Variants in PRKCG observed in about 807,000 individuals in gnomAD.
PRKCG encodes the protein protein kinase C gamma, also known as protein kinase C gamma type.
A neutral mutation model predicts 82.0 loss-of-function variants in PRKCG; 28 were observed. That is an observed-to-expected ratio of 0.34 (90% CI 0.25 to 0.47). The LOEUF is 0.47. PRKCG is among the 20% of genes least tolerant of loss of function. PRKCG has a pLI of 1.00. For synonymous variants in PRKCG, 383 were observed against 376.6 expected (o/e 1.02, Z -0.20); for missense variants, 640 against 952.7 (o/e 0.67, Z 4.32).
At position 53,907,025 on chromosome 19, in the gene PRKCG, C is replaced by T. The variant is rs2068819091; in HGVS notation, c.*130C>T. ...CACCCCAGCATTCCAGCTCTGCCCC[C>T]GCGGGTTCTAGACGCCCCTCCCAAG... On this transcript the variant is annotated 3_prime_UTR_variant, in exon 18 of 18. Coordinates refer to ENST00000263431, the MANE Select transcript of PRKCG (RefSeq NM_002739.5). The T allele has an allele frequency of 6.5e-7, 1 of 1,539,600 alleles. No homozygotes were observed. Among genetic ancestry groups the T allele is most frequent in the South Asian group, 1.2e-5 (1 of 83,114 alleles).
chr19:53,890,855 G>A (rs1599944287), intron 5 of PRKCG, among the ~76,000 whole-genome samples: 2 of 151,362 alleles, frequency 1.3e-5, no homozygotes, highest in African/African-American at 2.4e-5. Context: ...AGGTTCAAGC[G>A]ATTCTCCTGC....
In PRKCG at chr19:53,904,652, G is replaced by C; in HGVS notation, c.1674G>C (p.Glu558Asp). Residue 558 changes from glutamate to aspartate, a missense_variant, in exon 16 of 18, where the codon GAG (glutamate) becomes GAC (aspartate). By Grantham distance (45) the Glu-to-Asp change is conservative (BLOSUM62 2). Around this residue, in one of 7 missense-constraint regions of PRKCG, gnomAD observed 198 missense variants for 273.4 expected, o/e 0.72. Coordinates refer to ENST00000263431, the MANE Select transcript of PRKCG (RefSeq NM_002739.5). ...MLAGQPPFDG[E>D]DEEELFQAIM... The stretch of plus-strand genomic sequence containing the variant: ...TTTGATAGCCTCCCTTCGATGGGGA[G>C]GACGAGGAGGAGCTGTTTCAGGCCA... 1.2e-6 allele frequency: 2 copies of C among 1,613,530 alleles called. No homozygotes were observed. The highest frequency in any genetic ancestry group is 1.7e-6 in the Non-Finnish European group (2 of 1,179,922).
chr19:53,906,310 C>T lies in PRKCG; in HGVS notation c.1765-7C>T, dbSNP rs764043533. 2 of 1,551,262 alleles carry T rather than the reference C, an allele frequency of 1.3e-6. No homozygotes were observed. The highest frequency in any genetic ancestry group is 2.7e-5 in the African/African-American group (2 of 72,910). On this transcript the variant is annotated splice_region_variant and splice_polypyrimidine_tract_variant and intron_variant, in intron 16 of 17. Transcript: ENST00000263431. Reference sequence around the variant, plus strand: ...TGTCTGTCTGTCTCTCTCTGTGTTTCCCACAGTTCCTGACCAAGCACCCAG... The same window carrying T: ...TGTCTGTCTGTCTCTCTCTGTGTTTTCCACAGTTCCTGACCAAGCACCCAG...
chr19:53,882,193 T>A, upstream of PRKCG: 1 of 418,942 alleles, frequency 2.4e-6, no homozygotes. This position sits in a 1 kb window ranked among gnomAD's most constrained non-coding sequence, Gnocchi z 6.1. Flanking sequence ...AACCCGGGGC[T>A]CCCACATTTC....
intron 3 of PRKCG, among the ~76,000 whole-genome samples, chr19:53,888,498 G>C (rs1026595218): frequency 6.6e-6 from 1 of 152,110 alleles, no homozygotes; most frequent in African/African-American, 2.4e-5. Flanking sequence ...TGACAGAGGA[G>C]GATGCTGAGG....
Position 53,892,456 on chromosome 19 carries a change from C to G in PRKCG, c.687-53C>G. 1 of 1,586,382 alleles carries G rather than the reference C, an allele frequency of 6.3e-7. No individual in the cohort carries two copies. The highest frequency in any genetic ancestry group is 8.5e-7 in the Non-Finnish European group (1 of 1,171,230). ...ACCTCCAGCACCAAGGATGGGGAACCGAGGGGAGCCATGAGCTCGGCTCTG... is the reference window on the plus strand; with the variant it reads ...ACCTCCAGCACCAAGGATGGGGAACGGAGGGGAGCCATGAGCTCGGCTCTG... On this transcript the variant is annotated intron_variant, in intron 6 of 17. Transcript: ENST00000263431. This position sits in a 1 kb window ranked among gnomAD's most constrained non-coding sequence, Gnocchi z 5.9.
chr19:53,904,508 T>TGGTC (rs2068787117), intron 15 of PRKCG, 127 bp from the exon 16 acceptor site: 1 of 741,950 alleles, frequency 1.3e-6, no homozygotes, highest in Non-Finnish European at 2.4e-6. Context: ...CCTGAGGGTG[T>TGGTC]GGTCAGGTGT....
rs745537039 is a variant in PRKCG at position 53,900,690 on chromosome 19, G to A, written c.1516G>A (p.Val506Ile). 3.7e-6 allele frequency: 6 copies of A among 1,614,116 alleles called. No homozygotes were observed. In the African/African-American group the frequency reaches 6.7e-5, roughly 18 times the overall value. ...TGACTTTGGCATGTGTAAGGAGAAC[G>A]TCTTCCCCGGGACGACAACCCGCAC... ...ITDFGMCKEN[V>I]FPGTTTRTFC... Residue 506 changes from valine (V) to isoleucine (I), a missense_variant, in exon 14 of 18, where the codon GTC (valine) becomes ATC (isoleucine). Physicochemically the swap from Val to Ile is conservative, Grantham distance 29 (BLOSUM62 3). Around this residue, in one of 7 missense-constraint regions of PRKCG, gnomAD observed 198 missense variants for 273.4 expected, o/e 0.72. Transcript: ENST00000263431. The surrounding 1 kb of genome is among the most constrained non-coding windows in gnomAD (Gnocchi z 4.2).
In PRKCG at chr19:53,889,818, T is replaced by C; in HGVS notation, c.398-68T>C. 3 of 1,551,996 alleles carry C rather than the reference T, an allele frequency of 1.9e-6. No individual in the cohort carries two copies. Among genetic ancestry groups the C allele is most frequent in the Non-Finnish European group, 2.6e-6 (3 of 1,144,478 alleles). Reference sequence around the variant, plus strand: ...TCTGGGTTCCGGGAAATGCCCGGGATGGGGTGGGGGGTGGAGTCTTGGCTT... The same window carrying C: ...TCTGGGTTCCGGGAAATGCCCGGGACGGGGTGGGGGGTGGAGTCTTGGCTT... On this transcript the variant is annotated intron_variant, in intron 4 of 17. Coordinates refer to ENST00000263431, the MANE Select transcript of PRKCG (RefSeq NM_002739.5). This position sits in a 1 kb window ranked among gnomAD's most constrained non-coding sequence, Gnocchi z 4.4.
At position 53,892,371 on chromosome 19, in the gene PRKCG, G is replaced by A; in HGVS notation, c.687-138G>A. ...GCTGGAGAGAGAGCCCGGCTGGGAA[G>A]GTCAGAGGTCGGAGACCGACAAAGC... On this transcript the variant is annotated intron_variant, in intron 6 of 17. Coordinates refer to ENST00000263431, the MANE Select transcript of PRKCG (RefSeq NM_002739.5). This position sits in a 1 kb window ranked among gnomAD's most constrained non-coding sequence, Gnocchi z 5.9. 7.5e-7 allele frequency: 1 copy of A among 1,328,392 alleles called. No individual in the cohort carries two copies. The highest frequency in any genetic ancestry group is 1.0e-6 in the Non-Finnish European group (1 of 972,054). The allele number at this position is 1,328,392 out of a possible 1,614,324, so 82.3% of individuals were successfully genotyped here.
At position 53,897,035 on chromosome 19, in the gene PRKCG, C is replaced by T. The variant is rs116722954; in HGVS notation, c.940-924C>T. ...AGCTTTACAGGAAGACCTAACGGCACATCCAGAGGCCCTGAGGTGGGAGGG... is the reference window on the plus strand; with the variant it reads ...AGCTTTACAGGAAGACCTAACGGCATATCCAGAGGCCCTGAGGTGGGAGGG... On this transcript the variant is annotated intron_variant, in intron 9 of 17. Transcript: ENST00000263431. Among the ~76,000 whole-genome samples the T allele has an allele frequency of 3.4e-3, 522 of 152,218 alleles. 2 individuals are homozygous for T. The highest frequency in any genetic ancestry group is 0.012 in the African/African-American group (484 of 41,534).
chr19:53,900,595 C>G lies in PRKCG; in HGVS notation c.1437-16C>G. The G allele has an allele frequency of 6.2e-7, 1 of 1,614,234 alleles. No individual in the cohort carries two copies. On this transcript the variant is annotated splice_polypyrimidine_tract_variant and intron_variant, in intron 13 of 17. Coordinates refer to ENST00000263431, the MANE Select transcript of PRKCG (RefSeq NM_002739.5). The surrounding 1 kb of genome is among the most constrained non-coding windows in gnomAD (Gnocchi z 4.2). Reference sequence around the variant, plus strand: ...CACTTCTTGCAATTCCTGCCCCACACCCCTGCATCGTCCAGGGACCTGAAG... The same window carrying G: ...CACTTCTTGCAATTCCTGCCCCACAGCCCTGCATCGTCCAGGGACCTGAAG...
chr19:53,882,540 C>T lies in PRKCG; in HGVS notation c.46C>T (p.Arg16Trp). 6.2e-7 allele frequency: 1 copy of T among 1,614,190 alleles called. No homozygotes were observed. Among genetic ancestry groups the T allele is most frequent in the Non-Finnish European group, 8.5e-7 (1 of 1,180,024 alleles). Residue 16 changes from arginine (R) to tryptophan (W), a missense_variant, in exon 1 of 18, where the codon CGG becomes TGG. This residue lies in a region of PRKCG where 27 missense variants were observed against 23.9 expected (regional missense o/e 1.13). Transcript: ENST00000263431. The surrounding 1 kb of genome is among the most constrained non-coding windows in gnomAD (Gnocchi z 6.1). ...CGTAGGCGATTCAGAGGGGGGACCC[C>T]GGCCCCTGTTTTGCAGAAAGGGGGC... ...PGVGDSEGGP[R>W]PLFCRKGALR...
At chr19:53,893,109 GC>G in intron 8 of PRKCG, 34 bp downstream of exon 8, 1 of 1,588,376 alleles carries the variant, frequency 6.3e-7, no homozygotes, top group African/African-American at 1.3e-5. Flanking sequence ...AGGGAGCCCA[GC>G]CCAGCCTCCC....
At chr19:53,887,236 G>T (rs994079405) in intron 3 of PRKCG, among the ~76,000 whole-genome samples, 1 of 151,988 alleles carries the variant, frequency 6.6e-6, no homozygotes, top group African/African-American at 2.4e-5. Context: ...AGTGGCTCAC[G>T]CCTGTAATCC....
rs41311973 is a variant in PRKCG, at chr19:53,898,348, G to C, written c.1093-92G>C. 42,754 of 1,522,522 alleles carry C rather than the reference G, an allele frequency of 0.028. 779 individuals are homozygous for C. The highest frequency in any genetic ancestry group is 0.038 in the Middle Eastern group (224 of 5,860). The allele number at this position is 1,522,522 out of a possible 1,614,324, so 94.3% of individuals were successfully genotyped here. A position where few individuals can be genotyped will look rare whatever the true frequency, so the allele number is the denominator to read the frequency against. ...CTTAAGAGATGGAGGAAGGGCCTGGGATCCCGTTTCCCTGCGTCCCTTAGG... is the reference window on the plus strand; with the variant it reads ...CTTAAGAGATGGAGGAAGGGCCTGGCATCCCGTTTCCCTGCGTCCCTTAGG... On this transcript the variant is annotated intron_variant, in intron 10 of 17. Coordinates refer to ENST00000263431, the MANE Select transcript of PRKCG (RefSeq NM_002739.5).
At position 53,884,014 on chromosome 19, in the gene PRKCG, CTGTTGGACTCTCTG is replaced by C. The variant is rs1406090739; in HGVS notation, c.203-141_203-128del. 2.6e-6 allele frequency: 2 copies of C among 780,668 alleles called. No homozygotes were observed. Among genetic ancestry groups the C allele is most frequent in the Non-Finnish European group, 2.2e-6 (1 of 456,502 alleles). The allele number at this position is 780,668 out of a possible 1,614,324, so 48.4% of individuals were successfully genotyped here. On this transcript the variant is annotated intron_variant, in intron 2 of 17. Transcript: ENST00000263431. This position sits in a 1 kb window ranked among gnomAD's most constrained non-coding sequence, Gnocchi z 4.6. ...CTCTCTCTGGCCTCCGATTTTCTCT[CTGTTGGACTCTCTG>C]TGTTGAGATCCCTCTCTTTCTGGTT...
At chr19:53,891,964 G>A in intron 6 of PRKCG, 134 bp downstream of exon 6, 1 of 1,169,152 alleles carries the variant, frequency 8.6e-7, no homozygotes, top group Admixed American at 2.0e-5. Flanking sequence ...AAGATGGTGG[G>A]AAAAGGGAAT....
At position 53,890,854 on chromosome 19, in the gene PRKCG, C is replaced by T. The variant is rs2068670049; in HGVS notation, c.530-820C>T. 3.3e-5 allele frequency among the ~76,000 whole-genome samples: 5 copies of T among 151,056 alleles called. No individual in the cohort carries two copies. The South Asian group carries it at 8.4e-4, about 25-fold the overall frequency. On this transcript the variant is annotated intron_variant, in intron 5 of 17. Coordinates refer to ENST00000263431, the MANE Select transcript of PRKCG (RefSeq NM_002739.5). ...GCAACCTCCGCCTCTCAGGTTCAAGCGATTCTCCTGCTTCAGCCTCCTGAG... is the reference window on the plus strand; with the variant it reads ...GCAACCTCCGCCTCTCAGGTTCAAGTGATTCTCCTGCTTCAGCCTCCTGAG...
Sources: gnomAD v4.1 joint callset for allele counts (sites outside exome capture counted in the v4.1 genomes callset) on GRCh38, gnomAD v4.1.1 for gene constraint, gnomAD v4.1.1 regional missense constraint, Gnocchi (gnomAD v3.1) non-coding constraint, MANE v1.5 for transcripts, NCBI Gene and HGNC (gene_info 2026-07-23, HGNC 2026-07-21) for gene names.